The following NAA35 variants were observed in gnomAD, a reference collection of about 807,000 sequenced individuals.
NAA35 encodes N-alpha-acetyltransferase 35, NatC auxiliary subunit.
In NAA35, 18 loss-of-function variants were observed where a neutral mutation model predicts 101.7. The observed-to-expected ratio is 0.18, with a 90% CI of 0.12 to 0.26. The LOEUF (loss-of-function observed/expected upper bound fraction) is 0.26. Ranked by LOEUF, NAA35 falls within the 10% of genes least tolerant of loss-of-function variation. The pLI is 1.00. For synonymous variants in NAA35, 267 were observed against 273.1 expected (o/e 0.98, Z 0.22); for missense variants, 601 against 886.8 (o/e 0.68, Z 4.09).
chr9:85,963,733 T>G (rs996215653), intron 6 of NAA35, among the ~76,000 whole-genome samples: 28 of 152,178 alleles, frequency 1.8e-4, no homozygotes, highest in African/African-American at 6.5e-4. Context: ...TTTTAAATAC[T>G]AGTATTTTCA....
chr9:85,946,684 ATT>A (rs111378968), intron 2 of NAA35, among the ~76,000 whole-genome samples: 1 of 146,038 alleles, frequency 6.8e-6, no homozygotes, highest in African/African-American at 2.5e-5. Flanking sequence ...TTTTTTTGCG[ATT>A]TTTTTTTTTT....
chr9:85,973,317 G>A (rs1328803848), intron 6 of NAA35, among the ~76,000 whole-genome samples: 4 of 152,174 alleles, frequency 2.6e-5, no homozygotes, highest in Admixed American at 2.6e-4. Context: ...TTTTGAATAG[G>A]AAATGACATG....
At chr9:86,007,907 C>T (rs769377913) in intron 14 of NAA35, among the ~76,000 whole-genome samples, 1 of 152,082 alleles carries the variant, frequency 6.6e-6, no homozygotes, top group Admixed American at 6.5e-5. Flanking sequence ...AACAGTGTAT[C>T]TTTTTCCACT....
chr9:86,016,768 T>A, intron 18 of NAA35, 93 bp downstream of exon 18: 1 of 1,302,808 alleles, frequency 7.7e-7, no homozygotes, highest in Non-Finnish European at 1.1e-6. Context: ...GGTCATTATA[T>A]TTTAGTTCTT....
chr9:85,961,991 A>T (rs1368978939), intron 5 of NAA35, 22 bp from the exon 6 acceptor site: 2 of 1,584,174 alleles, frequency 1.3e-6, no homozygotes, highest in Non-Finnish European at 1.7e-6. Context: ...CCTTAAATAT[A>T]TACTCTTTTG....
intron 6 of NAA35, among the ~76,000 whole-genome samples, chr9:85,972,496 T>C (rs1041523579): frequency 8.8e-6 from 1 of 113,014 alleles, no homozygotes; most frequent in South Asian, 2.9e-4. Context: ...TGGATGACAG[T>C]GAGACCCTGT....
intron 8 of NAA35, among the ~76,000 whole-genome samples, chr9:85,975,879 A>G (rs958669102): frequency 6.6e-6 from 1 of 152,190 alleles, no homozygotes; most frequent in Admixed American, 6.5e-5. Context: ...GTAAGTGGTG[A>G]TATCCCAAAT....
chr9:85,970,367 A>T (rs1450897318), intron 6 of NAA35, among the ~76,000 whole-genome samples: 1 of 152,234 alleles, frequency 6.6e-6, no homozygotes, highest in Non-Finnish European at 1.5e-5. Context: ...GGACAGAAGT[A>T]TAATGAGACA....
intron 13 of NAA35, 100 bp from the exon 14 acceptor site, chr9:86,007,258 A>T (rs747333986): frequency 4.0e-6 from 3 of 746,872 alleles, no homozygotes; most frequent in Non-Finnish European, 6.3e-6. Flanking sequence ...TTTATATTTT[A>T]ATCACTTGCG....
At chr9:85,973,552 C>G (rs1484097135) in intron 6 of NAA35, among the ~76,000 whole-genome samples, 1 of 151,940 alleles carries the variant, frequency 6.6e-6, no homozygotes, top group Non-Finnish European at 1.5e-5. Flanking sequence ...TGTAGAAAAA[C>G]GAGAGGAGTA....
At chr9:85,983,540 A>G (rs1405022816) in intron 11 of NAA35, among the ~76,000 whole-genome samples, 1 of 152,172 alleles carries the variant, frequency 6.6e-6, no homozygotes, top group Non-Finnish European at 1.5e-5. Flanking sequence ...AGAAAGAATA[A>G]AACAGGCAAA....
At chr9:85,941,326 A>G in intron 1 of NAA35, 53 bp downstream of exon 1, 1 of 985,546 alleles carries the variant, frequency 1.0e-6, no homozygotes, top group Non-Finnish European at 1.2e-6. Context: ...TGTGTCCGAG[A>G]GCCGCAGCCC....
chr9:85,982,521 A>G lies in NAA35; in HGVS notation c.877+4140A>G, dbSNP rs535169846. 1.5e-3 allele frequency among the ~76,000 whole-genome samples: 225 copies of G among 152,134 alleles called. 2 individuals are homozygous for G. Among genetic ancestry groups the G allele is most frequent in the South Asian group, 5.8e-3 (28 of 4,812 alleles). On this transcript the variant is annotated intron_variant, in intron 11 of 22. Transcript: ENST00000361671. Reference sequence around the variant, plus strand: ...AAAATATGTTTCTCTTTCCATGTTCACTCATAGTTATCTGTGAATTGGGTC... The same window carrying G: ...AAAATATGTTTCTCTTTCCATGTTCGCTCATAGTTATCTGTGAATTGGGTC...
At chr9:86,003,497 G>A (rs1831501778) in intron 12 of NAA35, 88 bp from the exon 13 acceptor site, 1 of 609,518 alleles carries the variant, frequency 1.6e-6, no homozygotes, top group Non-Finnish European at 2.8e-6. Context: ...ATTTCCAGAA[G>A]GTCTAGTAAA....
At chr9:85,963,263 CTTTTT>C (rs527736196) in intron 6 of NAA35, among the ~76,000 whole-genome samples, 2 of 72,296 alleles carry the variant, frequency 2.8e-5, no homozygotes, top group Middle Eastern at 0.012. Context: ...GAAGGTATGG[CTTTTT>C]TTTTTTTTTT....
intron 10 of NAA35, 39 bp from the exon 11 acceptor site, chr9:85,978,228 A>G (rs1195840513): frequency 1.7e-6 from 2 of 1,195,256 alleles, no homozygotes; most frequent in Non-Finnish European, 2.5e-6. Context: ...CTTTCAGTGA[A>G]AGAATATGTA....
At chr9:85,997,033 C>T (rs1156570865) in intron 12 of NAA35, among the ~76,000 whole-genome samples, 1 of 151,980 alleles carries the variant, frequency 6.6e-6, no homozygotes, top group Non-Finnish European at 1.5e-5. Context: ...TCACTGCAGC[C>T]TGGACCTTCT....
chr9:85,999,510 G>C (rs978293634), intron 12 of NAA35, among the ~76,000 whole-genome samples: 6 of 152,152 alleles, frequency 3.9e-5, no homozygotes, highest in African/African-American at 1.4e-4. Context: ...GTTGTGACAG[G>C]CTCCTGATAT....
In NAA35 at chr9:86,025,435, C is replaced by CTAT. The variant is rs1554780760; in HGVS notation, c.*3477_*3479dup. On this transcript the variant is annotated 3_prime_UTR_variant, in exon 23 of 23. Transcript: ENST00000361671. Reference sequence around the variant, plus strand: ...TCCCCATATTCATACTTGCCCCACTCTATTTGTGGAGTGGCTGGTATGATC... The same window carrying CTAT: ...TCCCCATATTCATACTTGCCCCACTCTATTATTTGTGGAGTGGCTGGTATGATC... Among the ~76,000 whole-genome samples the CTAT allele has an allele frequency of 2.0e-5, 3 of 152,260 alleles. No homozygotes were observed. The highest frequency in any genetic ancestry group is 3.9e-4 in the East Asian group (2 of 5,156).
Sources: gnomAD v4.1 joint callset for allele counts (sites outside exome capture counted in the v4.1 genomes callset) on GRCh38, gnomAD v4.1.1 for gene constraint, MANE v1.5 for transcripts, NCBI Gene and HGNC (gene_info 2026-07-23, HGNC 2026-07-21) for gene names.